KLHL32: variants seen among roughly 807,000 people sequenced by gnomAD.
The protein encoded by KLHL32 is kelch like family member 32, also known as kelch-like protein 32.
A neutral mutation model predicts 64.8 loss-of-function variants in KLHL32; 35 were observed. The observed-to-expected ratio is 0.54, with a 90% confidence interval of 0.41 to 0.72. The LOEUF (loss-of-function observed/expected upper bound fraction) is 0.72, where lower values mean the gene tolerates loss of function less well. Ranked by LOEUF, KLHL32 falls within the 30% of genes least tolerant of loss-of-function variation. KLHL32 has a pLI of 0.00. For missense variants in KLHL32, 589 were observed against 768.5 expected, an observed-to-expected ratio of 0.77 and a Z score of 2.76; for synonymous variants, 259 against 281.0, an observed-to-expected ratio of 0.92 and a Z score of 0.78.
At position 97,023,227 on chromosome 6, in the gene KLHL32, C is replaced by G. The variant is rs1274348467; in HGVS notation, c.205-18265C>G. Among the ~76,000 whole-genome samples, 3 of 152,176 alleles carry G rather than the reference C, an allele frequency of 2.0e-5. No individual in the cohort carries two copies. The East Asian group carries it at 5.8e-4, about 29-fold the overall frequency. ...TTTAGAAATTGTAAAGACAAAAAAGCCACAATTTAGGTTTTTTAAAACATT... is the reference window on the plus strand; with the variant it reads ...TTTAGAAATTGTAAAGACAAAAAAGGCACAATTTAGGTTTTTTAAAACATT... On this transcript the variant is annotated intron_variant, in intron 3 of 10. Coordinates refer to ENST00000369261, the MANE Select transcript of KLHL32 (RefSeq NM_052904.4).
chr6:96,982,243 G>A (rs900047029), intron 3 of KLHL32, among the ~76,000 whole-genome samples: 6 of 152,144 alleles, frequency 3.9e-5, no homozygotes, highest in Admixed American at 1.3e-4. Context: ...CCTGTGTTGC[G>A]TGAATATATG....
the KLHL32 span, among the ~76,000 whole-genome samples, chr6:96,898,371 A>C: frequency 6.6e-6 from 1 of 152,182 alleles, no homozygotes; most frequent in South Asian, 2.1e-4. Context: ...TGTGAAAGGA[A>C]AATAATGAAA....
intron 1 of KLHL32, among the ~76,000 whole-genome samples, chr6:96,958,253 A>ATC (rs1438606925): frequency 8.5e-5 from 13 of 152,182 alleles, no homozygotes; most frequent in Non-Finnish European, 1.6e-4. Context: ...CCCCCACCCC[A>ATC]ACAAGTAATT....
intron 6 of KLHL32, among the ~76,000 whole-genome samples, chr6:97,098,479 G>A (rs985803018): frequency 5.9e-5 from 9 of 152,144 alleles, no homozygotes; most frequent in South Asian, 4.2e-4. Flanking sequence ...TAAAGTGACA[G>A]CATCATAATT....
At chr6:97,022,234 T>G (rs1782094434) in intron 3 of KLHL32, among the ~76,000 whole-genome samples, 1 of 150,822 alleles carries the variant, frequency 6.6e-6, no homozygotes, top group African/African-American at 2.5e-5. Context: ...TACATGATTC[T>G]ACATCATCTG....
At chr6:97,061,066 C>T (rs1788804467) in intron 4 of KLHL32, among the ~76,000 whole-genome samples, 1 of 152,134 alleles carries the variant, frequency 6.6e-6, no homozygotes, top group Non-Finnish European at 1.5e-5. Flanking sequence ...TCTCTGCTAG[C>T]ACTGTCCAAC....
At chr6:97,000,192 T>C (rs747575325) in intron 3 of KLHL32, among the ~76,000 whole-genome samples, 1 of 152,158 alleles carries the variant, frequency 6.6e-6, no homozygotes, top group Non-Finnish European at 1.5e-5. Context: ...TCAGGAAAAT[T>C]CAACAAAGTG....
intron 4 of KLHL32, among the ~76,000 whole-genome samples, chr6:97,047,175 C>T (rs1005368300): frequency 6.6e-6 from 1 of 152,178 alleles, no homozygotes; most frequent in Non-Finnish European, 1.5e-5. Flanking sequence ...GCAAATTTTC[C>T]TCTTAATATT....
At chr6:96,898,657 G>A in the KLHL32 span, among the ~76,000 whole-genome samples, 1 of 151,380 alleles carries the variant, frequency 6.6e-6, no homozygotes, top group Non-Finnish European at 1.5e-5. Flanking sequence ...TTAAGCCTCT[G>A]TGTAATTTAA....
intron 3 of KLHL32, among the ~76,000 whole-genome samples, chr6:97,009,469 G>C (rs76523987): frequency 0.016 from 2,492 of 152,174 alleles, 30 homozygotes; most frequent in East Asian, 0.069. Context: ...CCATGCTGTT[G>C]CTTCTGTTTT....
At chr6:97,125,912 C>A (rs1048213256) in intron 7 of KLHL32, among the ~76,000 whole-genome samples, 6 of 152,130 alleles carry the variant, frequency 3.9e-5, no homozygotes, top group Admixed American at 2.0e-4. Context: ...AACTGGCAAG[C>A]AGCTTTTAAA....
rs977533466 is a variant in KLHL32, at chr6:97,108,424, C to T, written c.628-5359C>T. 6.6e-5 allele frequency among the ~76,000 whole-genome samples: 10 copies of T among 152,040 alleles called. No homozygotes were observed. The East Asian group carries it at 9.6e-4, about 15-fold the overall frequency. Reference sequence around the variant, plus strand: ...CTGTTGTCTTTGGGTTTTATGATGCCCCAATGATAAATCAGCTTTCCTCTT... The same window carrying T: ...CTGTTGTCTTTGGGTTTTATGATGCTCCAATGATAAATCAGCTTTCCTCTT... On this transcript the variant is annotated intron_variant, in intron 6 of 10. Transcript: ENST00000369261.
rs1800440261 is a variant in KLHL32, at chr6:97,139,390, T to C, written c.*108T>C. ...TCCTTGTCTTGCTTTATAGGTCTTATATTCGGATAAATTTAAGCAAAAAAT... is the reference window on the plus strand; with the variant it reads ...TCCTTGTCTTGCTTTATAGGTCTTACATTCGGATAAATTTAAGCAAAAAAT... On this transcript the variant is annotated 3_prime_UTR_variant, in exon 11 of 11. Coordinates refer to ENST00000369261, the MANE Select transcript of KLHL32 (RefSeq NM_052904.4). 2 of 997,272 alleles carry C rather than the reference T, an allele frequency of 2.0e-6. No homozygotes were observed. Among genetic ancestry groups the C allele is most frequent in the Admixed American group, 2.7e-5 (1 of 37,408 alleles). The allele number at this position is 997,272 out of a possible 1,614,324, so 61.8% of individuals were successfully genotyped here.
chr6:97,066,345 G>T (rs1789738291), intron 5 of KLHL32, among the ~76,000 whole-genome samples: 1 of 152,200 alleles, frequency 6.6e-6, no homozygotes, highest in Admixed American at 6.5e-5. Flanking sequence ...TTCTGTAAGT[G>T]AGAATTCCAG....
intron 7 of KLHL32, among the ~76,000 whole-genome samples, chr6:97,125,767 ACT>A (rs1582247923): frequency 6.6e-6 from 1 of 152,026 alleles, no homozygotes; most frequent in East Asian, 1.9e-4. Context: ...CAAAAGCGAG[ACT>A]CTGTCTCAAA....
At chr6:97,098,977 C>A (rs1170185728) in intron 6 of KLHL32, among the ~76,000 whole-genome samples, 1 of 152,202 alleles carries the variant, frequency 6.6e-6, no homozygotes, top group Non-Finnish European at 1.5e-5. Flanking sequence ...GGATCTGTGA[C>A]AATGAATTAT....
intron 3 of KLHL32, among the ~76,000 whole-genome samples, chr6:96,991,727 G>C (rs555196069): frequency 6.6e-6 from 1 of 152,272 alleles, no homozygotes; most frequent in Non-Finnish European, 1.5e-5. Flanking sequence ...CTTCAGAGCA[G>C]CAAAAGTAGT....
chr6:97,136,425 T>C (rs1335520512), intron 10 of KLHL32, among the ~76,000 whole-genome samples: 1 of 152,184 alleles, frequency 6.6e-6, no homozygotes, highest in Non-Finnish European at 1.5e-5. Flanking sequence ...TACTCTTAGG[T>C]TGAGATTTGG....
intron 6 of KLHL32, among the ~76,000 whole-genome samples, chr6:97,093,088 T>G (rs1794497334): frequency 6.6e-6 from 1 of 152,232 alleles, no homozygotes; most frequent in Admixed American, 6.5e-5. Flanking sequence ...ATTTTTGTTG[T>G]TGCTGCTGTG....
Sources: gnomAD v4.1 joint callset for allele counts (sites outside exome capture counted in the v4.1 genomes callset) on GRCh38, gnomAD v4.1.1 for gene constraint, MANE v1.5 for transcripts, NCBI Gene and HGNC (gene_info 2026-07-23, HGNC 2026-07-21) for gene names.